DNAI1: variants seen among roughly 807,000 people sequenced by gnomAD.
DNAI1 encodes dynein axonemal intermediate chain 1, also known as dynein, axonemal, intermediate polypeptide 1.
A neutral mutation model predicts 92.0 loss-of-function variants in DNAI1; 67 were observed. The observed-to-expected ratio is 0.73, with a 90% CI of 0.60 to 0.89. The LOEUF is 0.89. DNAI1 is among the 40% of genes least tolerant of loss of function. The pLI is 0.00. For missense variants in DNAI1, 839 were observed against 866.6 expected (o/e 0.97, Z 0.40); for synonymous variants, 323 against 319.6 (o/e 1.01, Z -0.11).
chr9:34,501,121 C>CAAA lies in DNAI1; in HGVS notation c.1020-16_1020-15insAAA. 1 of 1,610,412 alleles carries CAAA rather than the reference C, an allele frequency of 6.2e-7. No individual in the cohort carries two copies. Among genetic ancestry groups the CAAA allele is most frequent in the South Asian group, 1.1e-5 (1 of 90,988 alleles). ...TGTTCATTTCCTATGCCAATGGATT[C>CAAA]ATATTTTTTTTTGCAGGAATCCAAA... On this transcript the variant is annotated splice_polypyrimidine_tract_variant and intron_variant, in intron 11 of 19. Coordinates refer to ENST00000242317, the MANE Select transcript of DNAI1 (RefSeq NM_012144.4).
chr9:34,496,471 C>A (rs1824727408), intron 9 of DNAI1, among the ~76,000 whole-genome samples: 1 of 152,212 alleles, frequency 6.6e-6, no homozygotes, highest in Admixed American at 6.5e-5. Flanking sequence ...GAATTTCACA[C>A]AATGGCAAGC....
intron 1 of DNAI1, 79 bp from the exon 2 acceptor site, chr9:34,483,369 G>T: frequency 7.1e-7 from 1 of 1,416,308 alleles, no homozygotes; most frequent in East Asian, 2.4e-5. Context: ...CTGGGCAGGA[G>T]CCTCCCTGAA....
At chr9:34,509,428 TA>T (rs1825020662) in intron 13 of DNAI1, among the ~76,000 whole-genome samples, 2 of 152,022 alleles carry the variant, frequency 1.3e-5, no homozygotes, top group South Asian at 2.1e-4. Context: ...AAGCCCATAT[TA>T]AAAAGATGAG....
chr9:34,481,580 C>T lies in DNAI1; in HGVS notation c.49-1868C>T, dbSNP rs1370566963. Among the ~76,000 whole-genome samples, 4 of 152,344 alleles carry T rather than the reference C, an allele frequency of 2.6e-5. No homozygotes were observed. In the East Asian group the frequency reaches 7.7e-4, roughly 29 times the overall value. ...CGGACCCTCGCGGTGAGTGTTATAG[C>T]TCTTAAGGTGGTGCGTCTGGAGTCT... On this transcript the variant is annotated intron_variant, in intron 1 of 19. Coordinates refer to ENST00000242317, the MANE Select transcript of DNAI1 (RefSeq NM_012144.4).
chr9:34,519,847 C>A (rs1825235250), intron 19 of DNAI1, among the ~76,000 whole-genome samples: 1 of 152,180 alleles, frequency 6.6e-6, no homozygotes, highest in South Asian at 2.1e-4. Context: ...GCCCAGCCTG[C>A]CCCAGCACAG....
rs376356928 is a variant in DNAI1, at chr9:34,468,158, T to C, written c.48+9105T>C. Among the ~76,000 whole-genome samples, 3 of 151,978 alleles carry C rather than the reference T, an allele frequency of 2.0e-5. No homozygotes were observed. The South Asian group carries it at 6.2e-4, about 32-fold the overall frequency. On this transcript the variant is annotated intron_variant, in intron 1 of 19. Coordinates refer to ENST00000242317, the MANE Select transcript of DNAI1 (RefSeq NM_012144.4). Reference sequence around the variant, plus strand: ...TGTGAAGATGGATCCATGGAAATTATTTAATCTGAAGAACAGAGAGGAAGA... The same window carrying C: ...TGTGAAGATGGATCCATGGAAATTACTTAATCTGAAGAACAGAGAGGAAGA...
At position 34,514,925 on chromosome 9, in the gene DNAI1, G is replaced by A. The variant is rs567056757; in HGVS notation, c.1818+186G>A. 4.6e-3 allele frequency among the ~76,000 whole-genome samples: 697 copies of A among 152,338 alleles called. 2 individuals carry two copies. The highest frequency in any genetic ancestry group is 8.3e-3 in the Non-Finnish European group (563 of 68,034). On this transcript the variant is annotated intron_variant, in intron 18 of 19. Transcript: ENST00000242317. ...CCAAAAGAGGAATCATTCATCCCAT[G>A]AGGCTTCAGGGAGGAAACAGAGCTG...
rs748038642 is a variant in DNAI1, at chr9:34,475,457, T to C, written c.49-7991T>C. Reference sequence around the variant, plus strand: ...ATCTAGTCATCCCTAAGGCAGGTGCTTCCTAGAAGGCAAAGGGCCACACAG... The same window carrying C: ...ATCTAGTCATCCCTAAGGCAGGTGCCTCCTAGAAGGCAAAGGGCCACACAG... On this transcript the variant is annotated intron_variant, in intron 1 of 19. Transcript: ENST00000242317. 5.3e-5 allele frequency among the ~76,000 whole-genome samples: 8 copies of C among 152,274 alleles called. No individual in the cohort carries two copies. The South Asian group carries it at 1.0e-3, about 20-fold the overall frequency.
intron 13 of DNAI1, among the ~76,000 whole-genome samples, chr9:34,509,899 CAAA>C (rs141472357): frequency 5.7e-5 from 6 of 105,078 alleles, no homozygotes; most frequent in Non-Finnish European, 6.1e-5. Flanking sequence ...GACTCCGTCT[CAAA>C]AAAAAAAAAA....
chr9:34,478,721 C>T (rs183416506), intron 1 of DNAI1: 2 of 152,342 alleles, frequency 1.3e-5, no homozygotes, highest in East Asian at 1.9e-4. Context: ...CTCCCTGCTT[C>T]ACTCTTTCAT....
At chr9:34,477,995 T>G (rs1372749190) in intron 1 of DNAI1, among the ~76,000 whole-genome samples, 1 of 139,418 alleles carries the variant, frequency 7.2e-6, no homozygotes, top group Non-Finnish European at 1.5e-5. Context: ...CAAGTGATTC[T>G]CCTGCCTCAG....
intron 12 of DNAI1, among the ~76,000 whole-genome samples, chr9:34,505,281 A>G (rs1234186319): frequency 6.6e-6 from 1 of 152,074 alleles, no homozygotes; most frequent in Non-Finnish European, 1.5e-5. Context: ...GGCTGCCCAC[A>G]TTCCATGGCT....
At chr9:34,468,135 T>G (rs933642055) in intron 1 of DNAI1, among the ~76,000 whole-genome samples, 2 of 151,372 alleles carry the variant, frequency 1.3e-5, no homozygotes, top group Non-Finnish European at 2.9e-5. Flanking sequence ...CAGCTGAATG[T>G]GAAGATGGAT....
In DNAI1 at chr9:34,500,970, T is replaced by C. The variant is rs1824820833; in HGVS notation, c.1019+131T>C. 8 of 997,088 alleles carry C rather than the reference T, an allele frequency of 8.0e-6. No individual in the cohort carries two copies. In the Admixed American group the frequency reaches 1.2e-4, roughly 15 times the overall value. The allele number at this position is 997,088 out of a possible 1,614,324, so 61.8% of individuals were successfully genotyped here. ...AGTATAGAAAAATATGGAACTTGGA[T>C]TCTTATGGGATCACAAGACCACCCC... On this transcript the variant is annotated intron_variant, in intron 11 of 19. Coordinates refer to ENST00000242317, the MANE Select transcript of DNAI1 (RefSeq NM_012144.4).
At chr9:34,509,899 CAAAA>C (rs141472357) in intron 13 of DNAI1, among the ~76,000 whole-genome samples, 2 of 105,090 alleles carry the variant, frequency 1.9e-5, no homozygotes, top group Admixed American at 9.7e-5. Context: ...GACTCCGTCT[CAAAA>C]AAAAAAAAAA....
intron 15 of DNAI1, 60 bp downstream of exon 15, chr9:34,512,484 T>C (rs1022092397): frequency 1.3e-4 from 192 of 1,501,944 alleles, no homozygotes; most frequent in Non-Finnish European, 1.7e-4. Flanking sequence ...CCAGTGAGGG[T>C]CAGTGACAGT....
Position 34,506,805 on chromosome 9 carries a change from G to C in DNAI1, c.1242G>C (p.Lys414Asn). ...YDGNVAIYNL[K>N]KPHSQPSFCS... ...GCAACGTGGCCATTTACAACCTCAA[G>C]AAGCCCCACTCCCAGCCCTCCTTCT... The change falls in exon 13 of 20, where the codon AAG (lysine) becomes AAC (asparagine). Residue 414 changes from lysine (K) to asparagine (N), a missense_variant. Physicochemically the swap from Lys to Asn is moderately conservative, Grantham distance 94. Transcript: ENST00000242317. The C allele has an allele frequency of 6.2e-7, 1 of 1,614,134 alleles. No homozygotes were observed. The highest frequency in any genetic ancestry group is 8.5e-7 in the Non-Finnish European group (1 of 1,180,030).
intron 8 of DNAI1, 35 bp from the exon 9 acceptor site, chr9:34,493,159 C>T (rs1241322770): frequency 1.4e-5 from 22 of 1,614,088 alleles, no homozygotes; most frequent in Non-Finnish European, 1.6e-5. Context: ...AAGATTGCAC[C>T]TTACAATGAT....
At chr9:34,467,860 C>T (rs1824066493) in intron 1 of DNAI1, among the ~76,000 whole-genome samples, 1 of 152,176 alleles carries the variant, frequency 6.6e-6, no homozygotes, top group Non-Finnish European at 1.5e-5. Flanking sequence ...ACGTGAGTCA[C>T]ACATTTACCC....
Sources: allele counts gnomAD v4.1 joint callset (sites outside exome capture counted in the v4.1 genomes callset), GRCh38; gene constraint gnomAD v4.1.1; transcripts MANE v1.5; gene names NCBI Gene and HGNC (gene_info 2026-07-23, HGNC 2026-07-21).